The following DNAH9 variants were observed in gnomAD, a reference collection of about 807,000 sequenced individuals.
DNAH9 encodes dynein axonemal heavy chain 9.
A neutral mutation model predicts 471.6 loss-of-function variants in DNAH9; 345 were observed. The observed-to-expected ratio is 0.73, with a 90% CI of 0.67 to 0.80. DNAH9 has a LOEUF of 0.80. DNAH9 is among the 30% of genes least tolerant of loss of function. The probability of loss-of-function intolerance (pLI) is 0.00; values close to 1 mark genes in which losing one functional copy is unlikely to be tolerated. For missense variants in DNAH9, 5,407 were observed against 5,609.2 expected, an observed-to-expected ratio of 0.96 and a Z score of 1.15; for synonymous variants, 2,093 against 2,123.6, an observed-to-expected ratio of 0.99 and a Z score of 0.40.
chr17:11,778,728 C>T (rs1043206003), intron 38 of DNAH9, among the ~76,000 whole-genome samples: 6 of 152,100 alleles, frequency 3.9e-5, no homozygotes, highest in African/African-American at 9.6e-5. Flanking sequence ...AATTGCAGGC[C>T]GGGCACAGTG....
At chr17:11,883,511 C>A in intron 55 of DNAH9, 75 bp from the exon 56 acceptor site, 1 of 1,539,804 alleles carries the variant, frequency 6.5e-7, no homozygotes, top group Non-Finnish European at 8.8e-7. Flanking sequence ...GGGACTCTCG[C>A]CCTATTCAGA....
At chr17:11,680,413 C>T (rs2074114388) in intron 18 of DNAH9, among the ~76,000 whole-genome samples, 1 of 152,168 alleles carries the variant, frequency 6.6e-6, no homozygotes, top group Admixed American at 6.5e-5. Flanking sequence ...GAAACATCTT[C>T]CTTTAAGAAA....
intron 50 of DNAH9, among the ~76,000 whole-genome samples, chr17:11,858,448 A>T: frequency 6.6e-6 from 1 of 152,230 alleles, no homozygotes; most frequent in East Asian, 1.9e-4. Flanking sequence ...TCAGTCTAAA[A>T]ATAATCAAAA....
At chr17:11,782,603 C>T (rs914916743) in intron 39 of DNAH9, among the ~76,000 whole-genome samples, 3 of 152,174 alleles carry the variant, frequency 2.0e-5, no homozygotes, top group Non-Finnish European at 4.4e-5. Flanking sequence ...ATCATTTAAA[C>T]TTGCATAAAC....
intron 27 of DNAH9, among the ~76,000 whole-genome samples, chr17:11,726,151 T>A (rs1460817912): frequency 6.6e-6 from 1 of 152,204 alleles, no homozygotes; most frequent in African/African-American, 2.4e-5. Context: ...CCATTCTATC[T>A]ATACAGATAC....
In DNAH9 at chr17:11,738,870, G is replaced by C. The variant is rs919758742; in HGVS notation, c.5815-10G>C. On this transcript the variant is annotated splice_polypyrimidine_tract_variant and intron_variant, in intron 28 of 68. Transcript: ENST00000262442. ...TTGAGGAATTTCTCGCTGATTGATT[G>C]GTTCACCAGGTAAAAAGCATTCAAG... The C allele has an allele frequency of 6.2e-7, 1 of 1,613,038 alleles. No homozygotes were observed. The highest frequency in any genetic ancestry group is 1.3e-5 in the African/African-American group (1 of 75,008).
chr17:11,666,699 A>G (rs1341660210), intron 15 of DNAH9, among the ~76,000 whole-genome samples: 1 of 152,162 alleles, frequency 6.6e-6, no homozygotes. Flanking sequence ...TGGCTTTGTC[A>G]TCCTAGGTCC....
chr17:11,841,479 A>G (rs1352101398), intron 49 of DNAH9, among the ~76,000 whole-genome samples: 1 of 152,186 alleles, frequency 6.6e-6, no homozygotes, highest in Admixed American at 6.5e-5. Context: ...GGGTAGGGGA[A>G]CAGTCACTTA....
chr17:11,825,296 A>G (rs1970451445), intron 48 of DNAH9, among the ~76,000 whole-genome samples: 1 of 152,146 alleles, frequency 6.6e-6, no homozygotes, highest in Non-Finnish European at 1.5e-5. Context: ...TTTTAAAAAC[A>G]TCTTCCACCT....
intron 24 of DNAH9, among the ~76,000 whole-genome samples, chr17:11,703,064 G>A (rs1165194476): frequency 6.7e-6 from 1 of 148,900 alleles, no homozygotes; most frequent in East Asian, 2.0e-4. Context: ...CTGCACTCCA[G>A]CCTGGGTGAC....
rs1452022823 is a variant in DNAH9 at position 11,883,002 on chromosome 17, A to G, written c.10807-584A>G. The G allele has an allele frequency of 5.1e-6, 5 of 985,582 alleles. No homozygotes were observed. The East Asian group carries it at 5.7e-4, about 112-fold the overall frequency. The allele number at this position is 985,582 out of a possible 1,614,324, so 61.1% of individuals were successfully genotyped here. Reference sequence around the variant, plus strand: ...CCAAAGGCTGTACAAGGGCAAAGACACTACAGCTGCCTGAAGTTAGTGCTT... The same window carrying G: ...CCAAAGGCTGTACAAGGGCAAAGACGCTACAGCTGCCTGAAGTTAGTGCTT... On this transcript the variant is annotated intron_variant, in intron 55 of 68. Transcript: ENST00000262442.
chr17:11,658,492 T>C (rs2073695115), intron 14 of DNAH9, among the ~76,000 whole-genome samples: 2 of 152,116 alleles, frequency 1.3e-5, no homozygotes, highest in African/African-American at 4.8e-5. Context: ...ATTTTTTATG[T>C]CTTTTTTTTT....
intron 48 of DNAH9, among the ~76,000 whole-genome samples, chr17:11,831,918 C>A (rs572790299): frequency 6.6e-6 from 1 of 152,116 alleles, no homozygotes; most frequent in East Asian, 1.9e-4. Flanking sequence ...GTATTGTCAC[C>A]CCACTCAGTC....
chr17:11,845,348 T>A (rs1205024268), intron 49 of DNAH9, among the ~76,000 whole-genome samples: 1 of 148,554 alleles, frequency 6.7e-6, no homozygotes, highest in African/African-American at 2.5e-5. Flanking sequence ...TCATTTTTTA[T>A]GGCTGCATAG....
chr17:11,703,176 A>G (rs1181533238), intron 24 of DNAH9, among the ~76,000 whole-genome samples: 1 of 152,036 alleles, frequency 6.6e-6, no homozygotes, highest in Non-Finnish European at 1.5e-5. Context: ...CGAAGAAGAG[A>G]GGAGAAAGGA....
chr17:11,919,603 C>T (rs1974071327), intron 61 of DNAH9, among the ~76,000 whole-genome samples: 1 of 151,434 alleles, frequency 6.6e-6, no homozygotes. Context: ...AGTACCAAAG[C>T]GCTTCGAAAT....
At chr17:11,860,001 T>C (rs1278769534) in intron 50 of DNAH9, among the ~76,000 whole-genome samples, 2 of 152,226 alleles carry the variant, frequency 1.3e-5, no homozygotes, top group Non-Finnish European at 2.9e-5. Context: ...CAACTTTTGT[T>C]ATTACTGCTT....
chr17:11,867,069 C>T (rs1972085127), intron 50 of DNAH9, among the ~76,000 whole-genome samples: 1 of 152,226 alleles, frequency 6.6e-6, no homozygotes, highest in Non-Finnish European at 1.5e-5. Flanking sequence ...TGAGATGAAC[C>T]TGGTACCTCA....
At chr17:11,755,946 CAGAG>C (rs1967365482) in intron 33 of DNAH9, among the ~76,000 whole-genome samples, 1 of 152,064 alleles carries the variant, frequency 6.6e-6, no homozygotes, top group Admixed American at 6.6e-5. Context: ...TGGCAGCAGA[CAGAG>C]AGAATGAGAG....
Sources: allele counts gnomAD v4.1 joint callset (sites outside exome capture counted in the v4.1 genomes callset), GRCh38; gene constraint gnomAD v4.1.1; transcripts MANE v1.5; gene names NCBI Gene and HGNC (gene_info 2026-07-23, HGNC 2026-07-21).